Variants in VPS13A observed in about 807,000 individuals in gnomAD.
VPS13A encodes intermembrane lipid transfer protein VPS13A.
VPS13A carries 264 observed loss-of-function variants against 390.9 expected under a neutral mutation model. The observed-to-expected ratio is 0.68, with a 90% confidence interval of 0.61 to 0.75. The LOEUF (loss-of-function observed/expected upper bound fraction) is 0.75. Among genes scored for constraint, VPS13A ranks in the 30% least tolerant of loss-of-function variants. The probability of loss-of-function intolerance (pLI) is 0.00; values close to 1 mark genes in which losing one functional copy is unlikely to be tolerated. For synonymous variants in VPS13A, 1,231 were observed against 1,227.1 expected (o/e 1.00, Z -0.07); for missense variants, 3,409 against 3,733.9 (o/e 0.91, Z 2.27).
Position 77,416,669 on chromosome 9 carries a change from T to C in VPS13A, c.*663T>C, listed in dbSNP as rs1172989781. On this transcript the variant is annotated 3_prime_UTR_variant, in exon 72 of 72. Transcript: ENST00000360280. ...TTAAGAAACCTTAAAGAAATAAGTA[T>C]CCTACTCAAAAAAGGAAGTCTGTTT... The C allele has an allele frequency of 1.3e-5, 2 of 152,510 alleles. No individual in the cohort carries two copies. The highest frequency in any genetic ancestry group is 2.9e-5 in the Non-Finnish European group (2 of 68,034). 9.4% of individuals were successfully genotyped at this position (152,510 alleles called of 1,614,324 possible). A position where few individuals can be genotyped will look rare whatever the true frequency, so the allele number is the denominator to read the frequency against.
At position 77,184,550 on chromosome 9, in the gene VPS13A, C is replaced by T. The variant is rs868805175; in HGVS notation, c.100+6746C>T. On this transcript the variant is annotated intron_variant, in intron 1 of 71. Coordinates refer to ENST00000360280, the MANE Select transcript of VPS13A (RefSeq NM_033305.3). Reference sequence around the variant, plus strand: ...ACGAGAATCGCTTGAACATGGGAGGCGGAGGTTGCAGTGAGCCGAGATCGT... The same window carrying T: ...ACGAGAATCGCTTGAACATGGGAGGTGGAGGTTGCAGTGAGCCGAGATCGT... Among the ~76,000 whole-genome samples the T allele has an allele frequency of 2.1e-4, 32 of 152,170 alleles. No individual in the cohort carries two copies. In the East Asian group the frequency reaches 2.1e-3, roughly 10 times the overall value.
intron 40 of VPS13A, 148 bp downstream of exon 40, chr9:77,317,846 AAT>A: frequency 1.9e-6 from 1 of 524,840 alleles, no homozygotes; most frequent in Non-Finnish European, 3.3e-6. Context: ...TTTACAAAGT[AAT>A]ATTATTTAAT....
At position 77,228,254 on chromosome 9, in the gene VPS13A, C is replaced by T; in HGVS notation, c.1585C>T (p.Gln529Ter). 6 of 1,595,862 alleles carry T rather than the reference C, an allele frequency of 3.8e-6. No individual in the cohort carries two copies. Among genetic ancestry groups the T allele is most frequent in the South Asian group, 1.1e-5 (1 of 88,286 alleles). Reference sequence around the variant, plus strand: ...CTTAATTGTGCAAAGACCAGGAGCACAAGCAATAAAGTAAGTATTAATTTA... The same window carrying T: ...CTTAATTGTGCAAAGACCAGGAGCATAAGCAATAAAGTAAGTATTAATTTA... ...STLIVQRPGAQAIKFETKIDS... is the reference protein window; with the variant it reads ...STLIVQRPGA Residue 529 changes from glutamine (Q) to a stop codon, truncating the protein, a stop_gained, in exon 17 of 72, where the codon CAA becomes TAA. Transcript: ENST00000360280. LOFTEE classifies it high-confidence loss of function.
chr9:77,205,678 G>A lies in VPS13A; in HGVS notation c.283+270G>A, dbSNP rs910577764. Among the ~76,000 whole-genome samples the A allele has an allele frequency of 1.3e-3, 202 of 151,868 alleles. 1 individual carries two copies. The highest frequency in any genetic ancestry group is 2.4e-3 in the Non-Finnish European group (166 of 67,930). ...ACCATCTCAGCTCACTGCAACCTCT[G>A]CCTCCTGGGTTCAAGCGATTCTCCT... On this transcript the variant is annotated intron_variant, in intron 4 of 71. Transcript: ENST00000360280.
At position 77,205,465 on chromosome 9, in the gene VPS13A, ATATT is replaced by A. The variant is rs1298225676; in HGVS notation, c.283+61_283+64del. 7.5e-6 allele frequency: 6 copies of A among 805,236 alleles called. No homozygotes were observed. The Admixed American group carries it at 9.8e-5, about 13-fold the overall frequency. 49.9% of individuals were successfully genotyped at this position (805,236 alleles called of 1,614,324 possible). On this transcript the variant is annotated intron_variant, in intron 4 of 71. Coordinates refer to ENST00000360280, the MANE Select transcript of VPS13A (RefSeq NM_033305.3). ...GTTATTCTTTTTTATGGATGGAAAA[ATATT>A]TATATTCAAAATACTTTTGGAATTT... is the stretch of plus-strand genomic sequence containing the variant.
chr9:77,256,099 G>A (rs1825429678), intron 22 of VPS13A, among the ~76,000 whole-genome samples: 1 of 151,580 alleles, frequency 6.6e-6, no homozygotes, highest in Non-Finnish European at 1.5e-5. Context: ...TTGATTTTAG[G>A]TCTTTCTTCT....
At chr9:77,275,171 A>G (rs1826573630) in intron 24 of VPS13A, among the ~76,000 whole-genome samples, 1 of 152,154 alleles carries the variant, frequency 6.6e-6, no homozygotes, top group Non-Finnish European at 1.5e-5. Flanking sequence ...AATCATCGGC[A>G]TTGGCATTTC....
chr9:77,369,293 T>C lies in VPS13A; in HGVS notation c.8554-6T>C, dbSNP rs1281862333. On this transcript the variant is annotated splice_polypyrimidine_tract_variant and splice_region_variant and intron_variant, in intron 62 of 71. Coordinates refer to ENST00000360280, the MANE Select transcript of VPS13A (RefSeq NM_033305.3). ...GAATTGATTAATGTTCATATTTTAT[T>C]TTTAGGCCATTAAGCAGATGTATGT... 4 of 1,584,852 alleles carry C rather than the reference T, an allele frequency of 2.5e-6. No homozygotes were observed. Among genetic ancestry groups the C allele is most frequent in the Non-Finnish European group, 2.6e-6 (3 of 1,153,374 alleles).
At chr9:77,353,995 T>A (rs528508454) in intron 54 of VPS13A, among the ~76,000 whole-genome samples, 4 of 152,228 alleles carry the variant, frequency 2.6e-5, no homozygotes, top group African/African-American at 9.6e-5. Context: ...GTTGGAGGAT[T>A]AACATAGACA....
chr9:77,335,264 T>A (rs1332375602), intron 46 of VPS13A, among the ~76,000 whole-genome samples: 1 of 152,202 alleles, frequency 6.6e-6, no homozygotes, highest in African/African-American at 2.4e-5. Flanking sequence ...AATATTCAAA[T>A]ATAAAGATTA....
At chr9:77,350,214 T>TC (rs1727263664) in intron 52 of VPS13A, among the ~76,000 whole-genome samples, 2 of 152,204 alleles carry the variant, frequency 1.3e-5, no homozygotes, top group Non-Finnish European at 2.9e-5. Flanking sequence ...TCCAAATTCT[T>TC]ACTTTCTTGT....
chr9:77,317,122 G>A (rs150316850), intron 39 of VPS13A, among the ~76,000 whole-genome samples: 70 of 152,060 alleles, frequency 4.6e-4, no homozygotes, highest in Non-Finnish European at 9.6e-4. Flanking sequence ...AGAAATATAA[G>A]ATGTAATTTT....
At chr9:77,243,490 T>A (rs1170426300) in intron 19 of VPS13A, among the ~76,000 whole-genome samples, 1 of 152,172 alleles carries the variant, frequency 6.6e-6, no homozygotes, top group Non-Finnish European at 1.5e-5. Flanking sequence ...GTCTTTTTGT[T>A]GTCAACTATG....
At position 77,360,578 on chromosome 9, in the gene VPS13A, T is replaced by C. The variant is rs1832087331; in HGVS notation, c.8148T>C (p.Asp2716=). The C allele has an allele frequency of 6.2e-7, 1 of 1,613,046 alleles. No homozygotes were observed. The highest frequency in any genetic ancestry group is 8.5e-7 in the Non-Finnish European group (1 of 1,179,460). Reference sequence around the variant, plus strand: ...TTCAAGAAATGGATCTCAGGTTAGATCTTGGGTTTATCTATGCTTTAACAG... The same window carrying C: ...TTCAAGAAATGGATCTCAGGTTAGACCTTGGGTTTATCTATGCTTTAACAG... ...VLIQEMDLRL[D]LGFIYALTDL... The change falls in exon 59 of 72, where the codon GAT becomes GAC. Residue 2716 remains aspartate (D), a synonymous_variant. Transcript: ENST00000360280.
In VPS13A at chr9:77,314,099, T is replaced by G; in HGVS notation, c.4222T>G (p.Tyr1408Asp). Residue 1408 changes from tyrosine to aspartate, a missense_variant, in exon 36 of 72, where the codon TAT becomes GAT. Around this residue, in one of 5 missense-constraint regions of VPS13A, gnomAD observed 2,717 missense variants for 2,917.4 expected, o/e 0.93. Transcript: ENST00000360280. ...FKTDDLTMVL[Y>D]SPGPKQASFT... ...AACTGATGATCTCACCATGGTGCTG[T>G]ATAGTCCAGGTCCTAAACAGGTAAG... The G allele has an allele frequency of 6.2e-7, 1 of 1,613,380 alleles. No homozygotes were observed. Among genetic ancestry groups the G allele is most frequent in the Non-Finnish European group, 8.5e-7 (1 of 1,179,570 alleles).
intron 68 of VPS13A, among the ~76,000 whole-genome samples, chr9:77,393,380 C>A (rs940436145): frequency 1.3e-5 from 2 of 152,180 alleles, no homozygotes; most frequent in Non-Finnish European, 2.9e-5. Flanking sequence ...AGACAAACTC[C>A]TGTTACTATT....
At chr9:77,189,099 A>G (rs1336594401) in intron 1 of VPS13A, among the ~76,000 whole-genome samples, 3 of 148,046 alleles carry the variant, frequency 2.0e-5, no homozygotes, top group Non-Finnish European at 3.0e-5. Context: ...TTTGCTGTGC[A>G]AGAGCTCTTT....
At chr9:77,239,131 C>T (rs1824318365) in intron 19 of VPS13A, among the ~76,000 whole-genome samples, 1 of 151,742 alleles carries the variant, frequency 6.6e-6, no homozygotes, top group South Asian at 2.1e-4. Context: ...TGAAAAATGC[C>T]TCATTATCAA....
At chr9:77,270,931 A>G (rs1379892676) in intron 23 of VPS13A, among the ~76,000 whole-genome samples, 2 of 152,198 alleles carry the variant, frequency 1.3e-5, no homozygotes, top group African/African-American at 4.8e-5. Context: ...TGTAGGTTAA[A>G]ATTTTGAATC....
Sources: gnomAD v4.1 joint callset for allele counts (sites outside exome capture counted in the v4.1 genomes callset) on GRCh38, gnomAD v4.1.1 for gene constraint, gnomAD v4.1.1 regional missense constraint, MANE v1.5 for transcripts, NCBI Gene and HGNC (gene_info 2026-07-23, HGNC 2026-07-21) for gene names.